The following NCOA1 variants were observed in gnomAD, a reference collection of about 807,000 sequenced individuals.
NCOA1 encodes the protein nuclear receptor coactivator 1, also known as Hin-2 protein.
In NCOA1, 35 loss-of-function variants were observed where a neutral mutation model predicts 150.9. The observed-to-expected ratio is 0.23, with a 90% CI of 0.18 to 0.31. NCOA1 has a LOEUF of 0.31. NCOA1 is among the 10% of genes least tolerant of loss of function. The pLI, the probability that NCOA1 is intolerant of heterozygous loss-of-function variation, is 1.00. For missense variants in NCOA1, 1,491 were observed against 1,749.3 expected (o/e 0.85, Z 2.63); for synonymous variants, 590 against 630.0 (o/e 0.94, Z 0.95).
intron 10 of NCOA1, among the ~76,000 whole-genome samples, chr2:24,695,290 T>G (rs11890632): frequency 0.78 from 119,135 of 151,828 alleles, 48,524 homozygotes; most frequent in East Asian, 0.9. Flanking sequence ...TATATATATA[T>G]AGAGAGAGAG....
chr2:24,501,856 C>CT (rs1473292223), intron 1 of NCOA1, among the ~76,000 whole-genome samples: 4 of 152,164 alleles, frequency 2.6e-5, no homozygotes, highest in Non-Finnish European at 4.4e-5. Context: ...TTTAGGATCT[C>CT]TGTTTTTGTG....
At chr2:24,611,300 T>C (rs1383836943) in intron 3 of NCOA1, among the ~76,000 whole-genome samples, 2 of 152,202 alleles carry the variant, frequency 1.3e-5, no homozygotes, top group Admixed American at 6.5e-5. Context: ...TACAGCTGCA[T>C]AATATTTCGT....
intron 1 of NCOA1, among the ~76,000 whole-genome samples, chr2:24,561,386 T>C (rs921190865): frequency 6.6e-6 from 1 of 152,128 alleles, no homozygotes; most frequent in Non-Finnish European, 1.5e-5. Flanking sequence ...TATTGAAAGA[T>C]AGGAAGATCT....
At chr2:24,697,482 A>G (rs1030928322) in intron 10 of NCOA1, among the ~76,000 whole-genome samples, 176 bp from the exon 11 acceptor site, 11 of 152,154 alleles carry the variant, frequency 7.2e-5, no homozygotes, top group African/African-American at 2.4e-4. Context: ...GACCAAAACA[A>G]TTTCTTATGT....
At chr2:24,766,508 T>C (rs577679003) in intron 22 of NCOA1, among the ~76,000 whole-genome samples, 3 of 152,056 alleles carry the variant, frequency 2.0e-5, no homozygotes, top group African/African-American at 4.8e-5. Context: ...GGGAGTGAGT[T>C]AGACAGAAAT....
chr2:24,662,897 C>T (rs1671248609), intron 5 of NCOA1, among the ~76,000 whole-genome samples: 1 of 152,008 alleles, frequency 6.6e-6, no homozygotes, highest in African/African-American at 2.4e-5. Context: ...AAGCAATCCT[C>T]CCCACTCAGC....
At position 24,726,648 on chromosome 2, in the gene NCOA1, G is replaced by A. The variant is rs755365583; in HGVS notation, c.2659G>A (p.Asp887Asn). 6 of 1,611,020 alleles carry A rather than the reference G, an allele frequency of 3.7e-6. No homozygotes were observed. Among genetic ancestry groups the A allele is most frequent in the Admixed American group, 1.7e-5 (1 of 59,552 alleles). The change falls in exon 15 of 23, where the codon GAT becomes AAT. Residue 887 changes from aspartate to asparagine, a missense_variant. Physicochemically the swap from Asp to Asn is conservative, Grantham distance 23 (BLOSUM62 1). This residue lies in a region of NCOA1 where 703 missense variants were observed against 717.7 expected (regional missense o/e 0.98). Transcript: ENST00000348332. The part of the protein sequence containing the change: ...DNQFGQPGTG[D>N]QIPWTNNTVT... The stretch of plus-strand genomic sequence containing the variant: ...CCAATTTGGACAACCAGGAACAGGC[G>A]ATCAGATTCCATGGACAAATAATAC...
intron 1 of NCOA1, among the ~76,000 whole-genome samples, chr2:24,515,765 A>C (rs947112912): frequency 6.6e-6 from 1 of 152,262 alleles, no homozygotes; most frequent in Non-Finnish European, 1.5e-5. Context: ...TAAAGTAAGC[A>C]ATGACTACCT....
intron 2 of NCOA1, among the ~76,000 whole-genome samples, chr2:24,571,139 G>A (rs1236931061): frequency 2.0e-5 from 3 of 151,986 alleles, no homozygotes; most frequent in African/African-American, 4.8e-5. Flanking sequence ...TCGAGTACAG[G>A]GGAGGTTGTG....
At chr2:24,499,840 A>G (rs1318431006) in intron 1 of NCOA1, among the ~76,000 whole-genome samples, 1 of 152,246 alleles carries the variant, frequency 6.6e-6, no homozygotes, top group African/African-American at 2.4e-5. Flanking sequence ...CCCCTAGCCA[A>G]CGTTACTCGT....
intron 1 of NCOA1, among the ~76,000 whole-genome samples, chr2:24,511,979 T>C (rs1443346687): frequency 6.6e-6 from 1 of 152,190 alleles, no homozygotes; most frequent in African/African-American, 2.4e-5. Flanking sequence ...GTTTCCACCT[T>C]GCTTGATAAT....
chr2:24,687,930 A>C lies in NCOA1; in HGVS notation c.533-3551A>C, dbSNP rs368153102. On this transcript the variant is annotated intron_variant, in intron 8 of 22. Transcript: ENST00000348332. Reference sequence around the variant, plus strand: ...CAGCCTCCACCCTCAATTAGGCCCCAGTGTCTGTTCTTCCCCTCTTTGTGT... The same window carrying C: ...CAGCCTCCACCCTCAATTAGGCCCCCGTGTCTGTTCTTCCCCTCTTTGTGT... Among the ~76,000 whole-genome samples the C allele has an allele frequency of 5.9e-5, 9 of 152,258 alleles. No individual in the cohort carries two copies. The South Asian group carries it at 1.7e-3, about 28-fold the overall frequency.
At position 24,551,334 on chromosome 2, in the gene NCOA1, G is replaced by A. The variant is rs1004521720; in HGVS notation, c.-395-12961G>A. Among the ~76,000 whole-genome samples, 4 of 152,094 alleles carry A rather than the reference G, an allele frequency of 2.6e-5. No homozygotes were observed. The East Asian group carries it at 7.7e-4, about 29-fold the overall frequency. Reference sequence around the variant, plus strand: ...GAATTTTTTTAATTATTGTGTTGAAGAGTTCTTTATGTCCTGAAAACAAGT... The same window carrying A: ...GAATTTTTTTAATTATTGTGTTGAAAAGTTCTTTATGTCCTGAAAACAAGT... On this transcript the variant is annotated intron_variant, in intron 1 of 22. Coordinates refer to ENST00000348332, the MANE Select transcript of NCOA1 (RefSeq NM_003743.5).
chr2:24,511,537 T>C (rs1302742388), intron 1 of NCOA1, among the ~76,000 whole-genome samples: 2 of 152,234 alleles, frequency 1.3e-5, no homozygotes, highest in Non-Finnish European at 2.9e-5. Flanking sequence ...CTTGAAGAAA[T>C]GTCTCTTCAG....
intron 1 of NCOA1, among the ~76,000 whole-genome samples, chr2:24,559,965 A>G (rs980789070): frequency 1.3e-5 from 2 of 151,992 alleles, no homozygotes; most frequent in East Asian, 3.9e-4. Flanking sequence ...TAGTGGCTTG[A>G]GGCTTTTTTT....
At chr2:24,729,995 G>A (rs1002767255) in intron 17 of NCOA1, among the ~76,000 whole-genome samples, 180 bp downstream of exon 17, 1 of 152,076 alleles carries the variant, frequency 6.6e-6, no homozygotes, top group Non-Finnish European at 1.5e-5. Context: ...ACAGGTGTGT[G>A]CCACCACTCC....
rs561939882 is a variant in NCOA1 at position 24,744,561 on chromosome 2, T to C, written c.3706+2375T>C. The stretch of plus-strand genomic sequence containing the variant: ...TTTGTGTTGGCACAAAATGAAGTTC[T>C]GGAAAAGTTCCAGCCTTTTCAAAAC... On this transcript the variant is annotated intron_variant, in intron 19 of 22. Coordinates refer to ENST00000348332, the MANE Select transcript of NCOA1 (RefSeq NM_003743.5). Among the ~76,000 whole-genome samples the C allele has an allele frequency of 1.3e-5, 2 of 152,384 alleles. 1 individual carries two copies. The highest frequency in any genetic ancestry group is 4.1e-4 in the South Asian group (2 of 4,832).
At chr2:24,556,846 A>C (rs1011366108) in intron 1 of NCOA1, among the ~76,000 whole-genome samples, 3 of 151,940 alleles carry the variant, frequency 2.0e-5, no homozygotes, top group Non-Finnish European at 4.4e-5. Flanking sequence ...TAGAACCAGA[A>C]ATTTTTTCTT....
At chr2:24,666,437 T>C (rs1671431731) in intron 6 of NCOA1, among the ~76,000 whole-genome samples, 1 of 152,186 alleles carries the variant, frequency 6.6e-6, no homozygotes, top group Admixed American at 6.5e-5. Flanking sequence ...AAGTGTCTTA[T>C]TAAGTTAACT....
Sources: gnomAD v4.1 joint callset for allele counts (sites outside exome capture counted in the v4.1 genomes callset) on GRCh38, gnomAD v4.1.1 for gene constraint, gnomAD v4.1.1 regional missense constraint, MANE v1.5 for transcripts, NCBI Gene and HGNC (gene_info 2026-07-23, HGNC 2026-07-21) for gene names.